Variants in HCN1 observed in about 807,000 individuals in gnomAD.
The protein encoded by HCN1 is hyperpolarization activated cyclic nucleotide gated potassium channel 1, also known as potassium/sodium hyperpolarization-activated cyclic nucleotide-gated channel 1.
In HCN1, 13 loss-of-function variants were observed where a neutral mutation model predicts 78.9. The ratio of observed to expected loss-of-function variants is 0.16; its 90% CI spans 0.11 to 0.26. The LOEUF (loss-of-function observed/expected upper bound fraction) is 0.26. Ranked by LOEUF, HCN1 falls within the 10% of genes least tolerant of loss-of-function variation. The pLI is 1.00. For synonymous variants in HCN1, 552 were observed against 455.5 expected, an observed-to-expected ratio of 1.21 and a Z score of -2.70; for missense variants, 810 against 1,154.3, an observed-to-expected ratio of 0.70 and a Z score of 4.32.
chr5:45,264,022 T>G (rs1744804037), intron 7 of HCN1, among the ~76,000 whole-genome samples: 1 of 152,212 alleles, frequency 6.6e-6, no homozygotes, highest in African/African-American at 2.4e-5. Context: ...CTCCATCTCA[T>G]GACCTTGTGA....
chr5:45,327,277 A>G (rs551500217), intron 5 of HCN1, among the ~76,000 whole-genome samples: 3 of 151,874 alleles, frequency 2.0e-5, no homozygotes, highest in African/African-American at 7.2e-5. Flanking sequence ...GTCCAGAAGT[A>G]TGCTGAACTA....
intron 4 of HCN1, among the ~76,000 whole-genome samples, chr5:45,366,640 G>C (rs998077858): frequency 4.0e-5 from 6 of 151,612 alleles, no homozygotes; most frequent in African/African-American, 7.3e-5. Context: ...AATATCTGAG[G>C]ATATGGATAA....
At chr5:45,618,099 AGCTAAT>A (rs990476884) in intron 2 of HCN1, among the ~76,000 whole-genome samples, 2 of 150,970 alleles carry the variant, frequency 1.3e-5, no homozygotes, top group Admixed American at 1.3e-4. Context: ...AAGATAAAGT[AGCTAAT>A]GCACTTAGTA....
At chr5:45,658,265 G>A (rs571990166) in intron 1 of HCN1, among the ~76,000 whole-genome samples, 1 of 152,110 alleles carries the variant, frequency 6.6e-6, no homozygotes, top group Non-Finnish European at 1.5e-5. Flanking sequence ...TTAAATGTTA[G>A]ACCTAAAACC....
chr5:45,469,333 A>G (rs1238228522), intron 2 of HCN1, among the ~76,000 whole-genome samples: 1 of 152,008 alleles, frequency 6.6e-6, no homozygotes, highest in Admixed American at 6.6e-5. Context: ...TTATGAATGA[A>G]TATTGGAAAT....
intron 1 of HCN1, among the ~76,000 whole-genome samples, chr5:45,691,032 A>G (rs1024326736): frequency 5.9e-5 from 9 of 152,140 alleles, no homozygotes; most frequent in South Asian, 2.1e-4. Flanking sequence ...ACATAGGTGC[A>G]TTGAGTATAA....
intron 6 of HCN1, among the ~76,000 whole-genome samples, chr5:45,296,235 G>A (rs1378404352): frequency 6.6e-6 from 1 of 151,656 alleles, no homozygotes; most frequent in Non-Finnish European, 1.5e-5. Flanking sequence ...CAAGAGTTAG[G>A]GCTATAAAAC....
chr5:45,515,066 T>G (rs965754747), intron 2 of HCN1, among the ~76,000 whole-genome samples: 4 of 151,950 alleles, frequency 2.6e-5, no homozygotes, highest in Non-Finnish European at 5.9e-5. Context: ...ACTAGATGTA[T>G]GCCTACAAAA....
intron 2 of HCN1, among the ~76,000 whole-genome samples, chr5:45,507,958 C>T (rs1041307612): frequency 1.3e-5 from 2 of 152,054 alleles, no homozygotes; most frequent in African/African-American, 4.8e-5. Context: ...CAGGAAAATA[C>T]ATCTTATCTG....
intron 2 of HCN1, among the ~76,000 whole-genome samples, chr5:45,625,411 G>C (rs1471937306): frequency 1.3e-5 from 2 of 152,000 alleles, no homozygotes; most frequent in Non-Finnish European, 1.5e-5. Flanking sequence ...AGATAAGGTA[G>C]GGCACCCCAG....
chr5:45,475,484 T>C (rs1407911843), intron 2 of HCN1, among the ~76,000 whole-genome samples: 1 of 152,108 alleles, frequency 6.6e-6, no homozygotes, highest in Non-Finnish European at 1.5e-5. Context: ...AACTCTGTAA[T>C]GGAAAACTTT....
At chr5:45,314,532 T>C (rs1314261010) in intron 5 of HCN1, among the ~76,000 whole-genome samples, 1 of 152,132 alleles carries the variant, frequency 6.6e-6, no homozygotes, top group Non-Finnish European at 1.5e-5. Context: ...TAAATGTAAA[T>C]GGGCTAAATG....
chr5:45,595,094 A>AT (rs971493821), intron 2 of HCN1, among the ~76,000 whole-genome samples: 3 of 151,760 alleles, frequency 2.0e-5, no homozygotes, highest in African/African-American at 7.3e-5. Flanking sequence ...AAGGCAGGAT[A>AT]TTTTTTTCCA....
chr5:45,377,721 ATAGT>A (rs1485080673), intron 4 of HCN1, among the ~76,000 whole-genome samples: 3 of 151,996 alleles, frequency 2.0e-5, no homozygotes, highest in African/African-American at 7.2e-5. Flanking sequence ...CCTACTTGAG[ATAGT>A]TAGAAGTCAG....
chr5:45,531,913 A>C (rs886360244), intron 2 of HCN1, among the ~76,000 whole-genome samples: 1 of 152,058 alleles, frequency 6.6e-6, no homozygotes, highest in African/African-American at 2.4e-5. Flanking sequence ...GGCAGTGTGC[A>C]CTTGTGGTCC....
At chr5:45,608,792 A>G (rs1744776370) in intron 2 of HCN1, among the ~76,000 whole-genome samples, 1 of 152,010 alleles carries the variant, frequency 6.6e-6, no homozygotes, top group South Asian at 2.1e-4. Context: ...TCAAATTAAA[A>G]ACTTCAGTAT....
intron 1 of HCN1, among the ~76,000 whole-genome samples, chr5:45,686,095 A>T (rs1015552192): frequency 6.6e-6 from 1 of 151,628 alleles, no homozygotes; most frequent in Non-Finnish European, 1.5e-5. Context: ...TATATACTAT[A>T]TACCCCATGA....
At chr5:45,675,923 A>G (rs966356762) in intron 1 of HCN1, among the ~76,000 whole-genome samples, 2 of 151,818 alleles carry the variant, frequency 1.3e-5, no homozygotes, top group Admixed American at 1.3e-4. Context: ...TGCTGTAAGA[A>G]AAGGTTGGTG....
chr5:45,548,816 A>G (rs955017531), intron 2 of HCN1, among the ~76,000 whole-genome samples: 4 of 152,098 alleles, frequency 2.6e-5, no homozygotes, highest in African/African-American at 9.7e-5. Flanking sequence ...TACAAAATCA[A>G]TGTACAAAAA....
Sources: allele counts gnomAD v4.1 joint callset (sites outside exome capture counted in the v4.1 genomes callset), GRCh38; gene constraint gnomAD v4.1.1; transcripts MANE v1.5; gene names NCBI Gene and HGNC (gene_info 2026-07-23, HGNC 2026-07-21).